Variants in C2orf49 observed in about 807,000 individuals in gnomAD.
C2orf49 encodes the protein tRNA-splicing ligase complex subunit ASW.
A neutral mutation model predicts 20.6 loss-of-function variants in C2orf49; 11 were observed. That is an observed-to-expected ratio of 0.53 (90% CI 0.34 to 0.88). The LOEUF is 0.88. Among genes scored for constraint, C2orf49 ranks in the 40% least tolerant of loss-of-function variants. C2orf49 has a pLI of 0.02. For missense variants in C2orf49, 289 were observed against 274.2 expected, an observed-to-expected ratio of 1.05 and a Z score of -0.38; for synonymous variants, 134 against 108.5, an observed-to-expected ratio of 1.24 and a Z score of -1.46.
At chr2:105,353,502 AT>A (rs1203856409), downstream of C2orf49, among the ~76,000 whole-genome samples, 2 of 151,948 alleles carry the variant, frequency 1.3e-5, no homozygotes, top group Non-Finnish European at 2.9e-5. Flanking sequence ...AAACTCATGT[AT>A]TTAGTTTTTA....
At chr2:105,361,492 C>T in the C2orf49 span, 11 of 1,498,060 alleles carry the variant, frequency 7.3e-6, no homozygotes, top group Non-Finnish European at 1.0e-5. Flanking sequence ...GCAACTGGGA[C>T]TGAAGAAGGA....
At chr2:105,354,329 T>G in the C2orf49 span, among the ~76,000 whole-genome samples, 1 of 152,204 alleles carries the variant, frequency 6.6e-6, no homozygotes, top group African/African-American at 2.4e-5. Context: ...TGACTAAATT[T>G]TCATTGTTCC....
the C2orf49 span, among the ~76,000 whole-genome samples, chr2:105,369,199 G>A: frequency 2.8e-4 from 43 of 152,308 alleles, 1 homozygote; most frequent in African/African-American, 9.4e-4. Flanking sequence ...GAATGATGGG[G>A]AATCAAGCCG....
chr2:105,359,359 T>C, the C2orf49 span: 1 of 152,218 alleles, frequency 6.6e-6, no homozygotes, highest in Admixed American at 6.5e-5. Flanking sequence ...ATTATTCTTT[T>C]TAAGCAAAAC....
At chr2:105,352,050 C>G (rs1679947519), downstream of C2orf49, among the ~76,000 whole-genome samples, 1 of 152,196 alleles carries the variant, frequency 6.6e-6, no homozygotes. Context: ...CTCCTACCAA[C>G]CACCGTCCAT....
At chr2:105,341,709 C>G (rs1332072644) in intron 2 of C2orf49, among the ~76,000 whole-genome samples, 1 of 152,180 alleles carries the variant, frequency 6.6e-6, no homozygotes, top group Non-Finnish European at 1.5e-5. Flanking sequence ...AAGGTGAGTT[C>G]TGATGTATTC....
chr2:105,370,538 C>T, the C2orf49 span, among the ~76,000 whole-genome samples: 1 of 152,066 alleles, frequency 6.6e-6, no homozygotes, highest in African/African-American at 2.4e-5. Flanking sequence ...TGATGGTATT[C>T]CAGTTTCCTG....
At chr2:105,352,080 C>T (rs1044645435), downstream of C2orf49, among the ~76,000 whole-genome samples, 1 of 152,176 alleles carries the variant, frequency 6.6e-6, no homozygotes, top group Admixed American at 6.5e-5. Context: ...TGTTCAATTG[C>T]AGTACACATG....
chr2:105,363,748 C>G, the C2orf49 span, among the ~76,000 whole-genome samples: 2 of 152,210 alleles, frequency 1.3e-5, no homozygotes, highest in Non-Finnish European at 2.9e-5. Context: ...CATAGGGTGC[C>G]TCAGTGGTGT....
In C2orf49 at chr2:105,343,179, G is replaced by A. The variant is rs1454438954; in HGVS notation, c.598G>A (p.Val200Met). The A allele has an allele frequency of 6.2e-7, 1 of 1,612,232 alleles. No homozygotes were observed. The highest frequency in any genetic ancestry group is 1.7e-5 in the Admixed American group (1 of 59,526). The change falls in exon 3 of 4, where the codon GTG becomes ATG. Residue 200 changes from valine to methionine, a missense_variant. By Grantham distance (21) the Val-to-Met change is conservative. Transcript: ENST00000258457. The stretch of plus-strand genomic sequence containing the variant: ...ATTGTCCCCTGTTGGAACTACTCCA[G>A]TGAAGTTAAAGAGAGCTGCTCCTAA... ...PPLSPVGTTP[V>M]KLKRAAPKEE...
At chr2:105,363,417 A>G in the C2orf49 span, 1 of 1,613,206 alleles carries the variant, frequency 6.2e-7, no homozygotes, top group Admixed American at 1.7e-5. Flanking sequence ...GTGCACACGA[A>G]GCACTCCTTG....
chr2:105,363,842 A>T, the C2orf49 span, among the ~76,000 whole-genome samples: 1 of 152,158 alleles, frequency 6.6e-6, no homozygotes, highest in East Asian at 1.9e-4. Context: ...TTGAATCCTA[A>T]CCCTACTCCT....
At chr2:105,361,485 A>G in the C2orf49 span, 1 of 1,534,918 alleles carries the variant, frequency 6.5e-7, no homozygotes, top group African/African-American at 1.4e-5. Context: ...GAATCAGGCA[A>G]CTGGGACTGA....
chr2:105,361,473 T>C, the C2orf49 span: 18 of 1,585,258 alleles, frequency 1.1e-5, no homozygotes, highest in Non-Finnish European at 1.6e-5. Context: ...TGAAGAAAGT[T>C]AGAATCAGGC....
At chr2:105,352,429 GTT>G (rs61585149), downstream of C2orf49, among the ~76,000 whole-genome samples, 663 of 80,768 alleles carry the variant, frequency 8.2e-3, 6 homozygotes, top group African/African-American at 0.029. Flanking sequence ...GTTTGTTTGG[GTT>G]TTTTTTTTTT....
At chr2:105,362,833 G>A in the C2orf49 span, among the ~76,000 whole-genome samples, 1 of 152,302 alleles carries the variant, frequency 6.6e-6, no homozygotes, top group Non-Finnish European at 1.5e-5. Context: ...TCCTTAGAAT[G>A]TACCCTCTGC....
chr2:105,379,940 G>A, the C2orf49 span, among the ~76,000 whole-genome samples: 1 of 152,180 alleles, frequency 6.6e-6, no homozygotes, highest in Non-Finnish European at 1.5e-5. Context: ...GAAACTCGTA[G>A]GTAACTAATT....
chr2:105,381,449 G>A, the C2orf49 span, among the ~76,000 whole-genome samples: 5 of 152,118 alleles, frequency 3.3e-5, no homozygotes, highest in African/African-American at 7.2e-5. Context: ...TCCCCTTCGC[G>A]CAGCTTGTCA....
the C2orf49 span, among the ~76,000 whole-genome samples, chr2:105,372,771 G>A: frequency 1.2e-4 from 18 of 151,910 alleles, no homozygotes; most frequent in Middle Eastern, 3.2e-3. Flanking sequence ...TGGCCAGGCC[G>A]ATTTCAAACT....
Sources: allele counts gnomAD v4.1 joint callset (sites outside exome capture counted in the v4.1 genomes callset), GRCh38; gene constraint gnomAD v4.1.1; transcripts MANE v1.5; gene names NCBI Gene and HGNC (gene_info 2026-07-23, HGNC 2026-07-21).